The following NCOA2 variants were observed in gnomAD, a reference collection of about 807,000 sequenced individuals.
NCOA2 encodes the protein class E basic helix-loop-helix protein 75.
A neutral mutation model predicts 145.1 loss-of-function variants in NCOA2; 21 were observed. The observed-to-expected ratio is 0.14, with a 90% CI of 0.10 to 0.21. NCOA2 has a LOEUF of 0.21. Among genes scored for constraint, NCOA2 ranks in the 10% least tolerant of loss-of-function variants. The pLI, the probability that NCOA2 is intolerant of heterozygous loss-of-function variation, is 1.00. For missense variants in NCOA2, 1,472 were observed against 1,837.6 expected (o/e 0.80, Z 3.64); for synonymous variants, 619 against 637.5 (o/e 0.97, Z 0.44).
intron 4 of NCOA2, among the ~76,000 whole-genome samples, chr8:70,189,515 A>G (rs1816448847): frequency 6.6e-6 from 1 of 152,156 alleles, no homozygotes; most frequent in African/African-American, 2.4e-5. Context: ...AGTGACCCAC[A>G]CTCTGGAGAA....
In NCOA2 at chr8:70,110,615, T is replaced by C. The variant is rs189580981; in HGVS notation, c.*3017A>G. On this transcript the variant is annotated 3_prime_UTR_variant, in exon 23 of 23. Coordinates refer to ENST00000452400, the MANE Select transcript of NCOA2 (RefSeq NM_006540.4). ...ATTGTGTATCTTTGGGTTCTGCAAGTGGATCTGTGCCACCCATTTCATGTG... is the reference window on the plus strand; with the variant it reads ...ATTGTGTATCTTTGGGTTCTGCAAGCGGATCTGTGCCACCCATTTCATGTG... The C allele has an allele frequency of 4.8e-6, 1 of 209,936 alleles. No individual in the cohort carries two copies. The highest frequency in any genetic ancestry group is 7.3e-5 in the East Asian group (1 of 13,788). The allele number at this position is 209,936 out of a possible 1,614,324, so 13.0% of individuals were successfully genotyped here.
At chr8:70,456,306 A>G in the NCOA2 span, among the ~76,000 whole-genome samples, 1 of 152,174 alleles carries the variant, frequency 6.6e-6, no homozygotes, top group Non-Finnish European at 1.5e-5. Flanking sequence ...GTCAGAGTGG[A>G]AAGAGAACAA....
At chr8:70,213,007 C>T (rs767300380) in intron 4 of NCOA2, among the ~76,000 whole-genome samples, 2 of 149,620 alleles carry the variant, frequency 1.3e-5, no homozygotes, top group East Asian at 2.0e-4. Context: ...TCGCTTGAAC[C>T]GAGGAGGCAG....
Position 70,288,484 on chromosome 8 carries a change from G to A in NCOA2, c.-20+8260C>T, listed in dbSNP as rs558684394. Among the ~76,000 whole-genome samples the A allele has an allele frequency of 8.5e-4, 130 of 152,184 alleles. 1 individual carries two copies. The highest frequency in any genetic ancestry group is 3.0e-3 in the African/African-American group (126 of 41,518). ...AGTCACAGCTACTCGGGGAAGCTGA[G>A]GCAGGAGAATCGCTTGAACCCAGAA... On this transcript the variant is annotated intron_variant, in intron 2 of 22. Coordinates refer to ENST00000452400, the MANE Select transcript of NCOA2 (RefSeq NM_006540.4).
chr8:70,113,398 T>C lies in NCOA2; in HGVS notation c.*234A>G. The C allele has an allele frequency of 1.7e-6, 1 of 587,740 alleles. No homozygotes were observed. Among genetic ancestry groups the C allele is most frequent in the East Asian group, 2.8e-5 (1 of 36,046 alleles). The allele number at this position is 587,740 out of a possible 1,614,324, so 36.4% of individuals were successfully genotyped here. On this transcript the variant is annotated 3_prime_UTR_variant, in exon 23 of 23. Transcript: ENST00000452400. ...CTAAGTTGCACTAAGGTGAATGCAG[T>C]GAACAGACTGAGCGACTGTCTGGAT...
intron 9 of NCOA2, among the ~76,000 whole-genome samples, chr8:70,160,714 T>C (rs1053986977): frequency 7.5e-5 from 7 of 93,592 alleles, no homozygotes; most frequent in African/African-American, 2.9e-4. Context: ...TGACATATAA[T>C]GTGGATTCTA....
At chr8:70,231,241 T>C (rs1442753834) in intron 2 of NCOA2, among the ~76,000 whole-genome samples, 1 of 152,252 alleles carries the variant, frequency 6.6e-6, no homozygotes, top group Non-Finnish European at 1.5e-5. Flanking sequence ...AAAAATGCTT[T>C]GCTAATTTAA....
chr8:70,208,855 T>G (rs1286461220), intron 4 of NCOA2, among the ~76,000 whole-genome samples: 1 of 152,226 alleles, frequency 6.6e-6, no homozygotes, highest in Non-Finnish European at 1.5e-5. Flanking sequence ...AGAGCTGTGA[T>G]GAAGATGTAC....
chr8:70,425,813 C>T, the NCOA2 span, among the ~76,000 whole-genome samples: 1 of 152,148 alleles, frequency 6.6e-6, no homozygotes, highest in African/African-American at 2.4e-5. Context: ...GGCTGCACTG[C>T]CCATGCCTGG....
At chr8:70,249,379 G>C (rs940882157) in intron 2 of NCOA2, among the ~76,000 whole-genome samples, 1 of 152,192 alleles carries the variant, frequency 6.6e-6, no homozygotes, top group Non-Finnish European at 1.5e-5. Flanking sequence ...ACTTTAGAGG[G>C]AGGAAAGAGC....
chr8:70,109,836 T>C lies in NCOA2; in HGVS notation c.*3796A>G. On this transcript the variant is annotated 3_prime_UTR_variant, in exon 23 of 23. Transcript: ENST00000452400. ...ATGATGCAATAACAACAGAATTCTT[T>C]ATTTACAATAGCATTATTTAACATC... 1 of 180,070 alleles carries C rather than the reference T, an allele frequency of 5.6e-6. No homozygotes were observed. The highest frequency in any genetic ancestry group is 1.2e-5 in the Non-Finnish European group (1 of 84,040). 11.2% of individuals were successfully genotyped at this position (180,070 alleles called of 1,614,324 possible). A position where few individuals can be genotyped will look rare whatever the true frequency, so the allele number is the denominator to read the frequency against.
chr8:70,426,765 G>A, the NCOA2 span, among the ~76,000 whole-genome samples: 1 of 152,166 alleles, frequency 6.6e-6, no homozygotes, highest in African/African-American at 2.4e-5. Flanking sequence ...TGAATATGGT[G>A]GTGAGGATGA....
At chr8:70,312,538 G>A (rs931444556) in intron 1 of NCOA2, among the ~76,000 whole-genome samples, 87 of 151,642 alleles carry the variant, frequency 5.7e-4, no homozygotes, top group Middle Eastern at 6.8e-3. Flanking sequence ...AAATACCAAC[G>A]GTCATTCTAA....
chr8:70,255,828 AACGATGAATCACACACAAAGAAG>A (rs1823591289), intron 2 of NCOA2, among the ~76,000 whole-genome samples: 1 of 152,192 alleles, frequency 6.6e-6, no homozygotes, highest in Non-Finnish European at 1.5e-5. Context: ...GATTAGGCAT[AACGATGAATCACACACAAAGAAG>A]ATCCAGTAGA....
chr8:70,121,579 GA>G (rs1807828022), intron 21 of NCOA2, among the ~76,000 whole-genome samples, 188 bp from the exon 22 acceptor site: 1 of 152,198 alleles, frequency 6.6e-6, no homozygotes, highest in African/African-American at 2.4e-5. Context: ...AGAGGAACAT[GA>G]AAATACTCAT....
chr8:70,235,840 T>C (rs936019027), intron 2 of NCOA2, among the ~76,000 whole-genome samples: 5 of 152,196 alleles, frequency 3.3e-5, no homozygotes, highest in African/African-American at 1.2e-4. Context: ...TGAGACCTTG[T>C]CTCAAAAAAC....
chr8:70,149,240 T>C (rs927921204), intron 11 of NCOA2, among the ~76,000 whole-genome samples: 1 of 144,876 alleles, frequency 6.9e-6, no homozygotes. Context: ...GTTTTTTTTG[T>C]TTTTTTTTTT....
In NCOA2 at chr8:70,292,550, A is replaced by G. The variant is rs921571497; in HGVS notation, c.-20+4194T>C. 3.3e-4 allele frequency among the ~76,000 whole-genome samples: 31 copies of G among 93,996 alleles called. No homozygotes were observed. In the East Asian group the frequency reaches 4.5e-3, roughly 14 times the overall value. The allele number at this position is 93,996 out of a possible 152,430, so 61.7% of individuals were successfully genotyped here. On this transcript the variant is annotated intron_variant, in intron 2 of 22. Transcript: ENST00000452400. ...TGGGCAACAAAGACTCCATCTCAGG[A>G]AAAAAAAAAAAAAAAAGAATCAGAA... is the stretch of plus-strand genomic sequence containing the variant.
At position 70,130,697 on chromosome 8, in the gene NCOA2, GACTCTGCATCATCTTTCTCTCAGAA is replaced by G. The variant is rs1464932619; in HGVS notation, c.3324+1115_3324+1139del. On this transcript the variant is annotated intron_variant, in intron 16 of 22. Transcript: ENST00000452400. Reference sequence around the variant, plus strand: ...TTAATGTTTCAGAGAAGTCTCCAATGACTCTGCATCATCTTTCTCTCAGAAAGATGATGACACATCATATGGCCAA... The same window carrying G: ...TTAATGTTTCAGAGAAGTCTCCAATGAGATGATGACACATCATATGGCCAA... Among the ~76,000 whole-genome samples, 147 of 152,318 alleles carry G rather than the reference GACTCTGCATCATCTTTCTCTCAGAA, an allele frequency of 9.7e-4. 6 individuals carry two copies. In the South Asian group the frequency reaches 0.029, roughly 30 times the overall value.
Sources: gnomAD v4.1 joint callset for allele counts (sites outside exome capture counted in the v4.1 genomes callset) on GRCh38, gnomAD v4.1.1 for gene constraint, MANE v1.5 for transcripts, NCBI Gene and HGNC (gene_info 2026-07-23, HGNC 2026-07-21) for gene names.